Variants in DPP10 observed in about 807,000 individuals in gnomAD.
DPP10 encodes the protein dipeptidyl peptidase like 10, also known as inactive dipeptidyl peptidase 10.
A neutral mutation model predicts 120.9 loss-of-function variants in DPP10; 33 were observed. That is an observed-to-expected ratio of 0.27 (90% confidence interval 0.21 to 0.37). The LOEUF is 0.37. DPP10 is among the 10% of genes least tolerant of loss of function. The pLI is 1.00. For missense variants in DPP10, 816 were observed against 942.8 expected (o/e 0.87, Z 1.76); for synonymous variants, 337 against 326.1 (o/e 1.03, Z -0.36).
chr2:115,762,697 T>G (rs1231823688), intron 12 of DPP10, 87 bp downstream of exon 12: 1 of 1,484,726 alleles, frequency 6.7e-7, no homozygotes, highest in African/African-American at 1.4e-5. Flanking sequence ...GTAAAAAGTA[T>G]GAGTTTAAGG....
intron 1 of DPP10, among the ~76,000 whole-genome samples, chr2:115,217,681 G>T (rs796315144): frequency 6.6e-6 from 1 of 152,056 alleles, no homozygotes; most frequent in African/African-American, 2.4e-5. Flanking sequence ...CTGATCTCCC[G>T]CACATGAAAA....
At chr2:115,025,044 T>G (rs929539057) in intron 1 of DPP10, among the ~76,000 whole-genome samples, 1 of 151,516 alleles carries the variant, frequency 6.6e-6, no homozygotes, top group Non-Finnish European at 1.5e-5. Context: ...CTAGATAATT[T>G]GAATGTACAA....
chr2:114,668,768 C>T (rs1269839450), intron 1 of DPP10, among the ~76,000 whole-genome samples: 1 of 152,088 alleles, frequency 6.6e-6, no homozygotes, highest in African/African-American at 2.4e-5. Context: ...TTTGCTGACC[C>T]TTTCTTTCTC....
intron 5 of DPP10, among the ~76,000 whole-genome samples, chr2:115,597,610 TAAATA>T (rs2083069607): frequency 1.3e-5 from 2 of 150,770 alleles, no homozygotes; most frequent in Non-Finnish European, 1.5e-5. Context: ...TTTACATATA[TAAATA>T]AAATGTGTGT....
chr2:114,645,239 T>C (rs1455159829), intron 1 of DPP10, among the ~76,000 whole-genome samples: 1 of 152,226 alleles, frequency 6.6e-6, no homozygotes, highest in Non-Finnish European at 1.5e-5. Context: ...CCTCAATTTA[T>C]TGTTCTCTAT....
chr2:115,179,143 G>A (rs1224688652), intron 1 of DPP10, among the ~76,000 whole-genome samples: 2 of 152,122 alleles, frequency 1.3e-5, no homozygotes, highest in Non-Finnish European at 2.9e-5. Flanking sequence ...ATGGGTAAAA[G>A]AAAAGGGCTA....
chr2:115,450,974 A>G (rs566725128), intron 3 of DPP10, among the ~76,000 whole-genome samples: 20 of 152,008 alleles, frequency 1.3e-4, no homozygotes, highest in African/African-American at 4.6e-4. Context: ...TATGACTAGT[A>G]TTCTTATGGT....
chr2:115,282,394 T>A (rs2060196313), intron 1 of DPP10, among the ~76,000 whole-genome samples: 1 of 152,088 alleles, frequency 6.6e-6, no homozygotes, highest in South Asian at 2.1e-4. Flanking sequence ...TAAAATTTGA[T>A]TAGTTTTGGA....
At chr2:115,556,717 T>C (rs1442345282) in intron 5 of DPP10, among the ~76,000 whole-genome samples, 2 of 152,154 alleles carry the variant, frequency 1.3e-5, no homozygotes, top group Non-Finnish European at 2.9e-5. Flanking sequence ...GTGAAATTAG[T>C]GTGTCCAATA....
intron 1 of DPP10, among the ~76,000 whole-genome samples, chr2:114,661,307 C>T (rs540984176): frequency 1.9e-4 from 29 of 152,250 alleles, no homozygotes; most frequent in Non-Finnish European, 4.0e-4. Flanking sequence ...AGTAAGGAAT[C>T]AAGGTAAATG....
intron 1 of DPP10, among the ~76,000 whole-genome samples, chr2:114,761,938 A>G (rs1431741494): frequency 6.6e-6 from 1 of 152,156 alleles, no homozygotes; most frequent in Non-Finnish European, 1.5e-5. Context: ...TAGGAAATGC[A>G]GCTCCACAGA....
At chr2:114,922,388 C>T (rs1037118324) in intron 1 of DPP10, among the ~76,000 whole-genome samples, 1 of 152,224 alleles carries the variant, frequency 6.6e-6, no homozygotes, top group African/African-American at 2.4e-5. Context: ...ACTCAGCTCA[C>T]TGCAACCTCC....
Position 115,791,282 on chromosome 2 carries a change from A to G in DPP10, c.1631-5A>G. 2 of 1,610,392 alleles carry G rather than the reference A, an allele frequency of 1.2e-6. No individual in the cohort carries two copies. Among genetic ancestry groups the G allele is most frequent in the Non-Finnish European group, 1.7e-6 (2 of 1,178,884 alleles). Reference sequence around the variant, plus strand: ...ATCTTTAATATTTTGCTCTTTCTTTAAAAGAACTTCCTTTACAGTTGTCCC... The same window carrying G: ...ATCTTTAATATTTTGCTCTTTCTTTGAAAGAACTTCCTTTACAGTTGTCCC... On this transcript the variant is annotated splice_region_variant and splice_polypyrimidine_tract_variant and intron_variant, in intron 18 of 25. Transcript: ENST00000410059.
intron 19 of DPP10, among the ~76,000 whole-genome samples, chr2:115,800,591 C>A (rs565137626): frequency 6.6e-6 from 1 of 152,002 alleles, no homozygotes; most frequent in Non-Finnish European, 1.5e-5. Context: ...AGTCTTTAAT[C>A]CATCTTGAAT....
intron 1 of DPP10, among the ~76,000 whole-genome samples, chr2:115,308,619 G>C (rs747563560): frequency 6.6e-6 from 1 of 151,094 alleles, no homozygotes; most frequent in Non-Finnish European, 1.5e-5. Flanking sequence ...CCAATATCAT[G>C]CATGTTGCCC....
In DPP10 at chr2:115,032,842, G is replaced by A. The variant is rs550546212; in HGVS notation, c.61-276397G>A. Among the ~76,000 whole-genome samples the A allele has an allele frequency of 1.3e-4, 19 of 148,986 alleles. No homozygotes were observed. The South Asian group carries it at 3.2e-3, about 25-fold the overall frequency. On this transcript the variant is annotated intron_variant, in intron 1 of 25. Coordinates refer to ENST00000410059, the MANE Select transcript of DPP10 (RefSeq NM_020868.6). ...AGAGGTTGCAATGAGCTGAGATCGC[G>A]CCATTGTACTCCAGCCTGGGAGACA...
At chr2:115,693,147 A>C (rs1429677742) in intron 7 of DPP10, among the ~76,000 whole-genome samples, 1 of 152,226 alleles carries the variant, frequency 6.6e-6, no homozygotes, top group South Asian at 2.1e-4. Context: ...GTAGATATTT[A>C]GATAAATTAA....
chr2:114,600,493 A>G (rs1573761834), intron 1 of DPP10, among the ~76,000 whole-genome samples: 1 of 151,792 alleles, frequency 6.6e-6, no homozygotes, highest in East Asian at 1.9e-4. Context: ...GTCCTTCTCT[A>G]TTAATTCAAA....
chr2:115,112,101 G>C (rs1390561353), intron 1 of DPP10, among the ~76,000 whole-genome samples: 1 of 152,100 alleles, frequency 6.6e-6, no homozygotes, highest in Non-Finnish European at 1.5e-5. Context: ...CTTCTCTGAA[G>C]ATAATCTTTT....
Sources: gnomAD v4.1 joint callset for allele counts (sites outside exome capture counted in the v4.1 genomes callset) on GRCh38, gnomAD v4.1.1 for gene constraint, MANE v1.5 for transcripts, NCBI Gene and HGNC (gene_info 2026-07-23, HGNC 2026-07-21) for gene names.